Variants in MPV17L observed in about 807,000 individuals in gnomAD.
MPV17L encodes MPV17 mitochondrial inner membrane protein like.
Under a neutral mutation model 25.8 loss-of-function variants are expected in MPV17L, and 24 were observed. The ratio of observed to expected loss-of-function variants is 0.93; its 90% CI spans 0.67 to 1.31. The LOEUF (loss-of-function observed/expected upper bound fraction) is 1.31, where lower values mean the gene tolerates loss of function less well. Ranked by LOEUF, MPV17L falls within the 50% of genes most tolerant of loss-of-function variation. The pLI, the probability that MPV17L is intolerant of heterozygous loss-of-function variation, is 0.00. For synonymous variants in MPV17L, 102 were observed against 115.3 expected (o/e 0.88, Z 0.74); for missense variants, 250 against 265.6 (o/e 0.94, Z 0.41).
At chr16:15,398,221 T>G (rs1344814965) in intron 1 of MPV17L, among the ~76,000 whole-genome samples, 1 of 152,058 alleles carries the variant, frequency 6.6e-6, no homozygotes, top group Non-Finnish European at 1.5e-5. Flanking sequence ...TTTTTGCATT[T>G]TTAATGGAGA....
intron 2 of MPV17L, among the ~76,000 whole-genome samples, chr16:15,404,327 C>A (rs1432026071): frequency 6.6e-6 from 1 of 152,126 alleles, no homozygotes; most frequent in Non-Finnish European, 1.5e-5. Flanking sequence ...AGCTGAGGAT[C>A]TTGAACTTCA....
chr16:15,400,914 A>G (rs1327468869), intron 2 of MPV17L, 57 bp downstream of exon 2: 5 of 1,082,598 alleles, frequency 4.6e-6, no homozygotes, highest in Middle Eastern at 3.0e-4. Flanking sequence ...ATGTATATAT[A>G]TGTGTATAAA....
Position 15,407,816 on chromosome 16 carries a change from A to T in MPV17L, c.382-8A>T, listed in dbSNP as rs369371748. On this transcript the variant is annotated splice_region_variant and splice_polypyrimidine_tract_variant and intron_variant, in intron 2 of 3. Coordinates refer to ENST00000396385, the MANE Select transcript of MPV17L (RefSeq NM_001128423.2). ...AAAGTTGTTGCTTTTTTTTTTTCCC[A>T]ATTCCAGAGTGGACTGATGTACTGG... 5 of 1,590,994 alleles carry T rather than the reference A, an allele frequency of 3.1e-6. No homozygotes were observed. The African/African-American group carries it at 4.1e-5, about 13-fold the overall frequency.
chr16:15,404,449 A>T (rs1347830210), intron 2 of MPV17L, among the ~76,000 whole-genome samples: 1 of 152,138 alleles, frequency 6.6e-6, no homozygotes, highest in East Asian at 1.9e-4. Context: ...TAATCCTAAC[A>T]CTTTGGGAGG....
Position 15,408,601 on chromosome 16 carries a change from C to CTTTTTTTTT in MPV17L, c.*502_*510dup, listed in dbSNP as rs4013478. 1.1e-4 allele frequency: 12 copies of CTTTTTTTTT among 106,296 alleles called. No homozygotes were observed. The highest frequency in any genetic ancestry group is 1.8e-4 in the African/African-American group (5 of 28,166). The allele number at this position is 106,296 out of a possible 1,614,324, so 6.6% of individuals were successfully genotyped here. On this transcript the variant is annotated 3_prime_UTR_variant, in exon 4 of 4. Transcript: ENST00000396385. ...CACAATTTGTTATTTTAGTAAATAC[C>CTTTTTTTTT]TTTTTTTTTTTTTTTTTTTTTGTGG...
At chr16:15,396,329 C>T in intron 1 of MPV17L, 122 bp downstream of exon 1, 1 of 1,294,914 alleles carries the variant, frequency 7.7e-7, no homozygotes, top group Non-Finnish European at 1.0e-6. Context: ...GGGCAGGAGC[C>T]GGGGCTCTGA....
At chr16:15,405,994 G>A (rs950946783) in intron 2 of MPV17L, among the ~76,000 whole-genome samples, 6 of 151,986 alleles carry the variant, frequency 3.9e-5, no homozygotes, top group African/African-American at 1.4e-4. Context: ...TTCGAGACCA[G>A]CCTGGCCAAT....
rs2150910776 is a variant in MPV17L at position 15,413,184 on chromosome 16, A to G, written c.*5072A>G. 1 of 152,308 alleles carries G rather than the reference A, an allele frequency of 6.6e-6. No individual in the cohort carries two copies. Among genetic ancestry groups the G allele is most frequent in the South Asian group, 2.1e-4 (1 of 4,824 alleles). The allele number at this position is 152,308 out of a possible 1,614,324, so 9.4% of individuals were successfully genotyped here. A position where few individuals can be genotyped will look rare whatever the true frequency, so the allele number is the denominator to read the frequency against. On this transcript the variant is annotated 3_prime_UTR_variant, in exon 4 of 4. Coordinates refer to ENST00000396385, the MANE Select transcript of MPV17L (RefSeq NM_001128423.2). The stretch of plus-strand genomic sequence containing the variant: ...TGGGTTTTTGTGCCTGAAGATTTTG[A>G]TGTTGCATTTGGCTACATTTAATCC...
intron 1 of MPV17L, among the ~76,000 whole-genome samples, chr16:15,400,178 G>A (rs537471191): frequency 5.9e-5 from 9 of 152,192 alleles, no homozygotes; most frequent in African/African-American, 1.9e-4. Flanking sequence ...ATGTTTGGAA[G>A]GTAGAGAAAG....
rs907514025 is a variant in MPV17L, at chr16:15,395,910, T to C, written c.13T>C (p.Trp5Arg). The change falls in exon 1 of 4, where the codon TGG (tryptophan) becomes CGG (arginine). Residue 5 changes from tryptophan to arginine, a missense_variant. Trp to Arg is a moderately radical substitution (Grantham distance 101, BLOSUM62 -3). Transcript: ENST00000396385. Reference sequence around the variant, plus strand: ...CCACAGCGCGGACATGGCGGGCTGGTGGCCGGCGTTGTCGCGCGCGGCCCG... The same window carrying C: ...CCACAGCGCGGACATGGCGGGCTGGCGGCCGGCGTTGTCGCGCGCGGCCCG... The part of the protein sequence containing the change: MAGW[W>R]PALSRAARRH... The C allele has an allele frequency of 2.1e-6, 3 of 1,410,576 alleles. No individual in the cohort carries two copies. The African/African-American group carries it at 4.5e-5, about 21-fold the overall frequency. 87.4% of individuals were successfully genotyped at this position (1,410,576 alleles called of 1,614,324 possible). A position where few individuals can be genotyped will look rare whatever the true frequency, so the allele number is the denominator to read the frequency against.
chr16:15,400,112 T>C (rs1274248718), intron 1 of MPV17L, among the ~76,000 whole-genome samples: 1 of 152,158 alleles, frequency 6.6e-6, no homozygotes, highest in East Asian at 1.9e-4. Context: ...CACTAGCTTT[T>C]TTAAAAAGAC....
rs1001991086 is a variant in MPV17L, at chr16:15,412,980, G to C, written c.*4868G>C. 6.6e-6 allele frequency: 1 copy of C among 152,154 alleles called. No individual in the cohort carries two copies. The highest frequency in any genetic ancestry group is 1.5e-5 in the Non-Finnish European group (1 of 68,026). 9.4% of individuals were successfully genotyped at this position (152,154 alleles called of 1,614,324 possible). On this transcript the variant is annotated 3_prime_UTR_variant, in exon 4 of 4. Transcript: ENST00000396385. The stretch of plus-strand genomic sequence containing the variant: ...AGTCATCCTTTAAAATTCATTTGAA[G>C]TTATGAAAAGATAGTTTTTGTTACA...
Position 15,395,991 on chromosome 16 carries a change from G to T in MPV17L, c.94G>T (p.Asp32Tyr). The change falls in exon 1 of 4, where the codon GAC becomes TAC. Residue 32 changes from aspartate (D) to tyrosine (Y), a missense_variant. Transcript: ENST00000396385. Reference sequence around the variant, plus strand: ...TTACGGCTCGCTCGTCTCGGCCGGGGACGCGCTGCAACAGCGGCTGCAGGG... The same window carrying T: ...TTACGGCTCGCTCGTCTCGGCCGGGTACGCGCTGCAACAGCGGCTGCAGGG... ...LLYGSLVSAG[D>Y]ALQQRLQGRE... is the part of the protein sequence containing the mutation. The T allele has an allele frequency of 6.6e-7, 1 of 1,515,382 alleles. No homozygotes were observed. Among genetic ancestry groups the T allele is most frequent in the East Asian group, 2.6e-5 (1 of 38,614 alleles). The allele number at this position is 1,515,382 out of a possible 1,614,324, so 93.9% of individuals were successfully genotyped here. A position where few individuals can be genotyped will look rare whatever the true frequency, so the allele number is the denominator to read the frequency against.
Position 15,411,196 on chromosome 16 carries a change from C to CA in MPV17L, c.*3085dup. 1 of 152,614 alleles carries CA rather than the reference C, an allele frequency of 6.6e-6. No individual in the cohort carries two copies. Among genetic ancestry groups the CA allele is most frequent in the Middle Eastern group, 3.4e-3 (1 of 298 alleles). 9.5% of individuals were successfully genotyped at this position (152,614 alleles called of 1,614,324 possible). A position where few individuals can be genotyped will look rare whatever the true frequency, so the allele number is the denominator to read the frequency against. Reference sequence around the variant, plus strand: ...GCAGTGAGCAGAGATCAGGCCACTGCACTCCAGCCTAGGCGACAGAGCGAG... The same window carrying CA: ...GCAGTGAGCAGAGATCAGGCCACTGCAACTCCAGCCTAGGCGACAGAGCGAG... On this transcript the variant is annotated 3_prime_UTR_variant, in exon 4 of 4. Coordinates refer to ENST00000396385, the MANE Select transcript of MPV17L (RefSeq NM_001128423.2).
At chr16:15,402,466 G>A (rs541060895) in intron 2 of MPV17L, among the ~76,000 whole-genome samples, 50 of 152,244 alleles carry the variant, frequency 3.3e-4, no homozygotes, top group African/African-American at 1.2e-3. Context: ...GATGGTACCA[G>A]GCCCCTGAGC....
chr16:15,405,910 C>T (rs1291923035), intron 2 of MPV17L, among the ~76,000 whole-genome samples: 2 of 151,706 alleles, frequency 1.3e-5, no homozygotes, highest in East Asian at 3.9e-4. Flanking sequence ...ACATTATGGC[C>T]GGGCATGGTG....
At chr16:15,399,960 A>G (rs574165183) in intron 1 of MPV17L, among the ~76,000 whole-genome samples, 1 of 152,102 alleles carries the variant, frequency 6.6e-6, no homozygotes, top group Admixed American at 6.6e-5. Context: ...ATATGCCACC[A>G]TGCCTGGCTA....
In MPV17L at chr16:15,412,920, C is replaced by T. The variant is rs1167193562; in HGVS notation, c.*4808C>T. 6 of 152,010 alleles carry T rather than the reference C, an allele frequency of 3.9e-5. No homozygotes were observed. Among genetic ancestry groups the T allele is most frequent in the Non-Finnish European group, 1.5e-5 (1 of 68,010 alleles). 9.4% of individuals were successfully genotyped at this position (152,010 alleles called of 1,614,324 possible). A position where few individuals can be genotyped will look rare whatever the true frequency, so the allele number is the denominator to read the frequency against. On this transcript the variant is annotated 3_prime_UTR_variant, in exon 4 of 4. Transcript: ENST00000396385. The stretch of plus-strand genomic sequence containing the variant: ...TAACTCATACATCATTGCTATAAAC[C>T]TTATTTGTTTACTGTTTCTCTTCCA...
In MPV17L at chr16:15,407,962, A is replaced by C. The variant is rs756473622; in HGVS notation, c.441A>C (p.Gln147His). The change falls in exon 4 of 4, where the codon CAA becomes CAC. Residue 147 changes from glutamine to histidine, a missense_variant. Transcript: ENST00000396385. Reference protein sequence around the residue: ...QLTNFSLVPVQWRTAYAGVCG... With the variant: ...QLTNFSLVPVHWRTAYAGVCG... The stretch of plus-strand genomic sequence containing the variant: ...CCAACTTCAGCCTTGTTCCTGTTCA[A>C]TGGAGAACAGCTTACGCTGGAGTCT... 6.2e-7 allele frequency: 1 copy of C among 1,613,750 alleles called. No individual in the cohort carries two copies. Among genetic ancestry groups the C allele is most frequent in the African/African-American group, 1.3e-5 (1 of 74,736 alleles).
Sources: allele counts gnomAD v4.1 joint callset (sites outside exome capture counted in the v4.1 genomes callset), GRCh38; gene constraint gnomAD v4.1.1; transcripts MANE v1.5; gene names NCBI Gene and HGNC (gene_info 2026-07-23, HGNC 2026-07-21).